The following KLHL30 variants were observed in gnomAD, a reference collection of about 807,000 sequenced individuals.
KLHL30 encodes the protein kelch-like protein 30.
Under a neutral mutation model 55.0 loss-of-function variants are expected in KLHL30, and 55 were observed. The ratio of observed to expected loss-of-function variants is 1.00; its 90% confidence interval spans 0.80 to 1.25. KLHL30 has a LOEUF of 1.25. KLHL30 is among the 50% of genes most tolerant of loss of function. KLHL30 has a pLI of 0.00. For synonymous variants in KLHL30, 356 were observed against 372.6 expected (o/e 0.96, Z 0.51); for missense variants, 786 against 811.6 (o/e 0.97, Z 0.38).
chr2:238,144,434 G>GGAAGGAAT, intron 3 of KLHL30, among the ~76,000 whole-genome samples: 1 of 81,118 alleles, frequency 1.2e-5, no homozygotes, highest in South Asian at 3.4e-4. Flanking sequence ...AAGGAAGGAA[G>GGAAGGAAT]GCAGGCAGGC....
chr2:238,141,846 A>G (rs972148727), intron 2 of KLHL30, among the ~76,000 whole-genome samples: 1 of 152,338 alleles, frequency 6.6e-6, no homozygotes. Flanking sequence ...GGAAGGGCCA[A>G]ATACATGCCT....
intron 6 of KLHL30, 113 bp from the exon 7 acceptor site, chr2:238,148,894 G>T (rs2106314315): frequency 1.9e-6 from 2 of 1,070,496 alleles, no homozygotes; most frequent in African/African-American, 3.1e-5. Flanking sequence ...TCACAGACAG[G>T]TTCACTGAGG....
At chr2:238,149,817 G>A (rs959497386) in intron 7 of KLHL30, among the ~76,000 whole-genome samples, 2 of 152,146 alleles carry the variant, frequency 1.3e-5, no homozygotes, top group Non-Finnish European at 2.9e-5. Flanking sequence ...AGGAAGGGGA[G>A]GGAGGTGAGC....
chr2:238,144,698 G>C (rs1175373577), intron 3 of KLHL30, among the ~76,000 whole-genome samples: 1 of 152,164 alleles, frequency 6.6e-6, no homozygotes, highest in Non-Finnish European at 1.5e-5. Flanking sequence ...GCTCTGCGGA[G>C]TGGGTGGGGG....
At position 238,151,000 on chromosome 2, in the gene KLHL30, G is replaced by T. The variant is rs749361461; in HGVS notation, c.1672G>T (p.Ala558Ser). 1 of 1,589,632 alleles carries T rather than the reference G, an allele frequency of 6.3e-7. No homozygotes were observed. The highest frequency in any genetic ancestry group is 1.8e-5 in the Admixed American group (1 of 56,992). ...ALPRLWLYHG[A>S]STVFLDVSKW... ...GCCCCGGCTCTGGCTCTACCACGGG[G>T]CCTCCACCGTCTTCCTGGATGTCTC... Residue 558 changes from alanine (A) to serine (S), a missense_variant, in exon 8 of 8, where the codon GCC becomes TCC. By Grantham distance (99) the Ala-to-Ser change is moderately conservative (BLOSUM62 1). Coordinates refer to ENST00000409223, the MANE Select transcript of KLHL30 (RefSeq NM_198582.4).
chr2:238,145,249 G>A (rs569915327), intron 4 of KLHL30, among the ~76,000 whole-genome samples: 144 of 152,340 alleles, frequency 9.5e-4, no homozygotes, highest in Non-Finnish European at 1.2e-3. Context: ...TGAGTGCCAC[G>A]CTGGCGTGGC....
chr2:238,145,602 GA>G (rs1692632442), intron 4 of KLHL30, 74 bp from the exon 5 acceptor site: 1 of 1,507,606 alleles, frequency 6.6e-7, no homozygotes, highest in Non-Finnish European at 9.0e-7. Context: ...GAGGTCCCTG[GA>G]CATTGGTATC....
rs764372043 is a variant in KLHL30 at position 238,149,055 on chromosome 2, C to T, written c.1388C>T (p.Ser463Leu). Reference protein sequence around the residue: ...ASPFLPKYLSSPRCAALHGEL... With the variant: ...ASPFLPKYLSLPRCAALHGEL... ...CCCTTCCTGCCCAAGTACCTGTCCT[C>T]GCCTCGCTGTGCTGCACTGCACGGG... Residue 463 changes from serine (S) to leucine (L), a missense_variant, in exon 7 of 8, where the codon TCG becomes TTG. Ser to Leu is a moderately radical substitution (Grantham distance 145). Coordinates refer to ENST00000409223, the MANE Select transcript of KLHL30 (RefSeq NM_198582.4). 18 of 1,613,116 alleles carry T rather than the reference C, an allele frequency of 1.1e-5. No homozygotes were observed. Among genetic ancestry groups the T allele is most frequent in the Middle Eastern group, 1.6e-4 (1 of 6,062 alleles).
chr2:238,147,907 C>T lies in KLHL30; in HGVS notation c.1224C>T (p.Ala408=), dbSNP rs1381292398. The T allele has an allele frequency of 6.2e-7, 1 of 1,603,840 alleles. No homozygotes were observed. The highest frequency in any genetic ancestry group is 1.3e-5 in the African/African-American group (1 of 74,718). Residue 408 remains alanine (A), a synonymous_variant, in exon 6 of 8, where the codon GCC becomes GCT. Transcript: ENST00000409223. The surrounding 1 kb of genome is among the most constrained non-coding windows in gnomAD (Gnocchi z 5.8). ...YTDSWTPVSP[A]LKYVSNFSAA... ...ACAGCTGGACGCCCGTCAGCCCGGC[C>T]CTCAAATACGTCAGCAACTTCTCGG...
rs776629936 is a variant in KLHL30 at position 238,141,472 on chromosome 2, C to G, written c.718C>G (p.Pro240Ala). 1.1e-5 allele frequency: 17 copies of G among 1,512,382 alleles called. No individual in the cohort carries two copies. The African/African-American group carries it at 1.9e-4, about 17-fold the overall frequency. The allele number at this position is 1,512,382 out of a possible 1,614,324, so 93.7% of individuals were successfully genotyped here. A position where few individuals can be genotyped will look rare whatever the true frequency, so the allele number is the denominator to read the frequency against. ...CGTGCAGCAACTGCTGGCCTCAGAG[C>G]CCCTGATCCAGGAGTCAGAGGCATG... is the stretch of plus-strand genomic sequence containing the variant. ...PCVQQLLASE[P>A]LIQESEACRA... The change falls in exon 2 of 8, where the codon CCC (proline) becomes GCC (alanine). Residue 240 changes from proline to alanine, a missense_variant. Transcript: ENST00000409223.
chr2:238,140,952 C>T lies in KLHL30; in HGVS notation c.198C>T (p.Phe66=), dbSNP rs748354076. Residue 66 remains phenylalanine, a synonymous_variant, in exon 2 of 8, where the codon TTC becomes TTT. Coordinates refer to ENST00000409223, the MANE Select transcript of KLHL30 (RefSeq NM_198582.4). The part of the protein sequence containing the change: ...PYFHAMFAGD[F]AESFSARVEL... ...TCCATGCCATGTTTGCGGGTGACTTCGCCGAGAGCTTCTCTGCGCGCGTGG... is the reference window on the plus strand; with the variant it reads ...TCCATGCCATGTTTGCGGGTGACTTTGCCGAGAGCTTCTCTGCGCGCGTGG... The T allele has an allele frequency of 3.2e-5, 51 of 1,611,622 alleles. No homozygotes were observed. In the Admixed American group the frequency reaches 6.2e-4, roughly 19 times the overall value.
chr2:238,151,000 G>C lies in KLHL30; in HGVS notation c.1672G>C (p.Ala558Pro). 6.3e-7 allele frequency: 1 copy of C among 1,589,632 alleles called. No homozygotes were observed. The highest frequency in any genetic ancestry group is 8.6e-7 in the Non-Finnish European group (1 of 1,169,404). Residue 558 changes from alanine to proline, a missense_variant, in exon 8 of 8, where the codon GCC becomes CCC. Ala to Pro is a conservative substitution (Grantham distance 27). Transcript: ENST00000409223. The stretch of plus-strand genomic sequence containing the variant: ...GCCCCGGCTCTGGCTCTACCACGGG[G>C]CCTCCACCGTCTTCCTGGATGTCTC... ...ALPRLWLYHG[A>P]STVFLDVSKW... is the part of the protein sequence containing the mutation.
intron 4 of KLHL30, 62 bp from the exon 5 acceptor site, chr2:238,145,615 A>C: frequency 6.5e-7 from 1 of 1,538,870 alleles, no homozygotes; most frequent in South Asian, 1.2e-5. Context: ...ATTGGTATCC[A>C]CACCCCATGG....
At position 238,144,365 on chromosome 2, in the gene KLHL30, T is replaced by G. The variant is rs1574757535; in HGVS notation, c.908-537T>G. ...CTGGCTGCCAGGAGGGCAGGGAGGG[T>G]GCTCGGAAGGAAGGAAGGAAGGAAG... On this transcript the variant is annotated intron_variant, in intron 3 of 7. Transcript: ENST00000409223. Among the ~76,000 whole-genome samples the G allele has an allele frequency of 4.0e-5, 4 of 100,150 alleles. No homozygotes were observed. In the Admixed American group the frequency reaches 4.2e-4, roughly 10 times the overall value. 65.7% of individuals were successfully genotyped at this position (100,150 alleles called of 152,430 possible).
Position 238,144,938 on chromosome 2 carries a change from A to G in KLHL30, c.944A>G (p.His315Arg). The change falls in exon 4 of 8, where the codon CAC becomes CGC. Residue 315 changes from histidine to arginine, a missense_variant. Physicochemically the swap from His to Arg is conservative, Grantham distance 29. Coordinates refer to ENST00000409223, the MANE Select transcript of KLHL30 (RefSeq NM_198582.4). The stretch of plus-strand genomic sequence containing the variant: ...GCACTTCCAGACTTCCCCGACTATC[A>G]CAAGTGGGGTTTCTCCCTGGCGGCC... ...WMALPDFPDY[H>R]KWGFSLAALN... 6.2e-7 allele frequency: 1 copy of G among 1,611,568 alleles called. No individual in the cohort carries two copies. The highest frequency in any genetic ancestry group is 8.5e-7 in the Non-Finnish European group (1 of 1,179,048).
intron 5 of KLHL30, 135 bp downstream of exon 5, chr2:238,145,967 T>C (rs1692641475): frequency 1.8e-6 from 2 of 1,125,128 alleles, no homozygotes; most frequent in Non-Finnish European, 2.5e-6. Context: ...CAGGGCTCGC[T>C]GTCTGGTGGG....
chr2:238,143,126 G>A (rs1692572944), intron 3 of KLHL30, among the ~76,000 whole-genome samples, 195 bp downstream of exon 3: 1 of 152,204 alleles, frequency 6.6e-6, no homozygotes, highest in Admixed American at 6.5e-5. Context: ...GAGGGGGAAG[G>A]CTGGCGGGCA....
chr2:238,139,379 C>G (rs112710431), intron 1 of KLHL30, among the ~76,000 whole-genome samples: 18 of 152,322 alleles, frequency 1.2e-4, no homozygotes, highest in Admixed American at 3.3e-4. Flanking sequence ...CCAGCGCCTC[C>G]TGGGGAGGGG....
chr2:238,140,887 C>T lies in KLHL30; in HGVS notation c.133C>T (p.Pro45Ser), dbSNP rs201380263. 121 of 1,611,094 alleles carry T rather than the reference C, an allele frequency of 7.5e-5. No individual in the cohort carries two copies. The highest frequency in any genetic ancestry group is 1.0e-4 in the Non-Finnish European group (119 of 1,178,732). The part of the protein sequence containing the change: ...VTLLVGGREL[P>S]CHRGLLALSS... The stretch of plus-strand genomic sequence containing the variant: ...ACTGCTGGTGGGCGGCCGGGAGCTG[C>T]CATGCCACCGCGGCCTCCTGGCGCT... The change falls in exon 2 of 8, where the codon CCA becomes TCA. Residue 45 changes from proline to serine, a missense_variant. Physicochemically the swap from Pro to Ser is moderately conservative, Grantham distance 74. Transcript: ENST00000409223.
Sources: gnomAD v4.1 joint callset for allele counts (sites outside exome capture counted in the v4.1 genomes callset) on GRCh38, gnomAD v4.1.1 for gene constraint, Gnocchi (gnomAD v3.1) non-coding constraint, MANE v1.5 for transcripts, NCBI Gene and HGNC (gene_info 2026-07-23, HGNC 2026-07-21) for gene names.